The following RNF19A variants were observed in gnomAD, a reference collection of about 807,000 sequenced individuals.
RNF19A encodes the protein E3 ubiquitin-protein ligase RNF19A.
RNF19A carries 32 observed loss-of-function variants against 75.7 expected under a neutral mutation model. That is an observed-to-expected ratio of 0.42 (90% CI 0.32 to 0.57). The LOEUF (loss-of-function observed/expected upper bound fraction) is 0.57, where lower values mean the gene tolerates loss of function less well. Among genes scored for constraint, RNF19A ranks in the 20% least tolerant of loss-of-function variants. The pLI is 0.10. For synonymous variants in RNF19A, 335 were observed against 345.2 expected, an observed-to-expected ratio of 0.97 and a Z score of 0.33; for missense variants, 782 against 1,036.3, an observed-to-expected ratio of 0.75 and a Z score of 3.37.
intron 2 of RNF19A, among the ~76,000 whole-genome samples, chr8:100,283,158 C>T (rs1291591427): frequency 2.0e-5 from 3 of 152,190 alleles, no homozygotes; most frequent in African/African-American, 7.2e-5. Context: ...CAAAGCTCCC[C>T]AGCAAAGTCA....
At chr8:100,312,901 A>T (rs534085376), upstream of RNF19A, among the ~76,000 whole-genome samples, 1 of 152,140 alleles carries the variant, frequency 6.6e-6, no homozygotes, top group Non-Finnish European at 1.5e-5. Flanking sequence ...CAGCCTGGGC[A>T]ATAGAGCGAG....
At chr8:100,290,469 G>A (rs974148348) in intron 1 of RNF19A, among the ~76,000 whole-genome samples, 9 of 152,134 alleles carry the variant, frequency 5.9e-5, no homozygotes, top group African/African-American at 1.7e-4. Flanking sequence ...ATACATACAC[G>A]ACCCAGAAAC....
Position 100,264,109 on chromosome 8 carries a change from C to T in RNF19A, c.1393G>A (p.Gly465Ser). Residue 465 changes from glycine to serine, a missense_variant, in exon 7 of 10, where the codon GGC (glycine) becomes AGC (serine). Transcript: ENST00000341084. This position sits in a 1 kb window ranked among gnomAD's most constrained non-coding sequence, Gnocchi z 4.7. Reference sequence around the variant, plus strand: ...TCAATCCTAACTCCTTTTCCATTGCCTGCTGAGACTCCACAACCTCCGCTT... The same window carrying T: ...TCAATCCTAACTCCTTTTCCATTGCTTGCTGAGACTCCACAACCTCCGCTT... Reference protein sequence around the residue: ...CRSGGCGVSAGNGKGVRIEFD... With the variant: ...CRSGGCGVSASNGKGVRIEFD... 1 of 1,613,754 alleles carries T rather than the reference C, an allele frequency of 6.2e-7. No homozygotes were observed. Among genetic ancestry groups the T allele is most frequent in the Non-Finnish European group, 8.5e-7 (1 of 1,179,750 alleles).
At chr8:100,335,013 A>G (rs1392134047) in intron 1 of RNF19A, among the ~76,000 whole-genome samples, 4 of 152,238 alleles carry the variant, frequency 2.6e-5, no homozygotes, top group African/African-American at 9.6e-5. Context: ...CAGTTAAGCA[A>G]TCTGATTGAA....
intron 5 of RNF19A, among the ~76,000 whole-genome samples, chr8:100,268,390 ACTGGCTAATTATTCTTTGC>A (rs1177301712): frequency 6.6e-6 from 1 of 152,170 alleles, no homozygotes; most frequent in African/African-American, 2.4e-5. Flanking sequence ...TAATTCAAGA[ACTGGCTAATTATTCTTTGC>A]CTGAGGGCAT....
intron 1 of RNF19A, among the ~76,000 whole-genome samples, chr8:100,289,634 G>T (rs1017083610): frequency 6.6e-6 from 1 of 152,094 alleles, no homozygotes; most frequent in African/African-American, 2.4e-5. Flanking sequence ...TTAAAAGACT[G>T]ACATTTCCAA....
At position 100,269,729 on chromosome 8, in the gene RNF19A, C is replaced by T; in HGVS notation, c.1028+140G>A. On this transcript the variant is annotated intron_variant, in intron 4 of 9. Coordinates refer to ENST00000341084, the MANE Select transcript of RNF19A (RefSeq NM_183419.4). The surrounding 1 kb of genome is among the most constrained non-coding windows in gnomAD (Gnocchi z 5.7). ...TAATTCCAAATGACTAGCATAATAA[C>T]TTGGTTTCTTTTAAATTTATTTAAC... The T allele has an allele frequency of 3.7e-6, 2 of 546,366 alleles. No homozygotes were observed. Among genetic ancestry groups the T allele is most frequent in the Admixed American group, 8.0e-5 (2 of 25,120 alleles). 33.8% of individuals were successfully genotyped at this position (546,366 alleles called of 1,614,324 possible).
rs142229521 is a variant in RNF19A at position 100,260,337 on chromosome 8, A to G, written c.1683-340T>C. 1.7e-4 allele frequency among the ~76,000 whole-genome samples: 26 copies of G among 152,364 alleles called. No homozygotes were observed. Among genetic ancestry groups the G allele is most frequent in the African/African-American group, 5.8e-4 (24 of 41,594 alleles). On this transcript the variant is annotated intron_variant, in intron 8 of 9. Coordinates refer to ENST00000341084, the MANE Select transcript of RNF19A (RefSeq NM_183419.4). The surrounding 1 kb of genome is among the most constrained non-coding windows in gnomAD (Gnocchi z 4.1). ...GCAAAACACAAAGTTAGAATACATT[A>G]TTAATCATTAAACATGACACACCAA...
chr8:100,257,650 T>G lies in RNF19A; in HGVS notation c.*906A>C. ...TTAATCACATTCATGTTTATCTATTTCCTGTATTTTTATATATAATCCAAG... is the reference window on the plus strand; with the variant it reads ...TTAATCACATTCATGTTTATCTATTGCCTGTATTTTTATATATAATCCAAG... On this transcript the variant is annotated 3_prime_UTR_variant, in exon 10 of 10. Coordinates refer to ENST00000341084, the MANE Select transcript of RNF19A (RefSeq NM_183419.4). 5.2e-6 allele frequency: 1 copy of G among 190,544 alleles called. No individual in the cohort carries two copies. Among genetic ancestry groups the G allele is most frequent in the Non-Finnish European group, 1.1e-5 (1 of 93,808 alleles). 11.8% of individuals were successfully genotyped at this position (190,544 alleles called of 1,614,324 possible).
chr8:100,262,949 A>G (rs1819793347), intron 7 of RNF19A, among the ~76,000 whole-genome samples: 1 of 152,154 alleles, frequency 6.6e-6, no homozygotes, highest in Non-Finnish European at 1.5e-5. Context: ...AACAGGAGGA[A>G]TGGAGAAGCT....
rs1346718618 is a variant in RNF19A at position 100,314,966 on chromosome 8, C to T, written c.-242-1594G>A. Among the ~76,000 whole-genome samples the T allele has an allele frequency of 6.6e-6, 1 of 152,176 alleles. No homozygotes were observed. Among genetic ancestry groups the T allele is most frequent in the Non-Finnish European group, 1.5e-5 (1 of 68,034 alleles). On this transcript the variant is annotated intron_variant, in intron 1 of 3. Coordinates refer to the RNF19A transcript ENST00000519527. This position sits in a 1 kb window ranked among gnomAD's most constrained non-coding sequence, Gnocchi z 4.1. ...GCGAGACACCAATATGGTAAAGTAT[C>T]GTCCCTCCCCTTGAGCAGCTTGTAA...
intron 2 of RNF19A, among the ~76,000 whole-genome samples, chr8:100,279,645 C>T (rs1820688592): frequency 6.6e-6 from 1 of 152,176 alleles, no homozygotes; most frequent in South Asian, 2.1e-4. Context: ...GTCCGCCTCC[C>T]AGGTTCAAGC....
At chr8:100,282,587 T>C (rs1258991150) in intron 2 of RNF19A, among the ~76,000 whole-genome samples, 3 of 152,202 alleles carry the variant, frequency 2.0e-5, no homozygotes, top group Non-Finnish European at 4.4e-5. Context: ...CCCTGAAATG[T>C]AGTTTATTCA....
At chr8:100,283,834 A>G (rs569706598) in intron 2 of RNF19A, among the ~76,000 whole-genome samples, 1 of 152,358 alleles carries the variant, frequency 6.6e-6, no homozygotes, top group East Asian at 1.9e-4. Flanking sequence ...AATACTACCT[A>G]TATGCCTATG....
At chr8:100,318,503 CTAAT>C (rs1221712089) in intron 1 of RNF19A, among the ~76,000 whole-genome samples, 1 of 152,142 alleles carries the variant, frequency 6.6e-6, no homozygotes, top group Non-Finnish European at 1.5e-5. Context: ...AAAATGGGTG[CTAAT>C]TGTTATATAA....
chr8:100,297,746 T>C (rs1367940756), intron 1 of RNF19A, among the ~76,000 whole-genome samples: 1 of 152,220 alleles, frequency 6.6e-6, no homozygotes, highest in African/African-American at 2.4e-5. Flanking sequence ...GTTATTGTGT[T>C]CCACCATGAG....
rs1477450079 is a variant in RNF19A, at chr8:100,259,190, C to G, written c.1883G>C (p.Arg628Thr). The change falls in exon 10 of 10, where the codon AGG becomes ACG. Residue 628 changes from arginine to threonine, a missense_variant. Transcript: ENST00000341084. This position sits in a 1 kb window ranked among gnomAD's most constrained non-coding sequence, Gnocchi z 4.5. Reference protein sequence around the residue: ...VDIESKPSKFRHNSGSSSVDD... With the variant: ...VDIESKPSKFTHNSGSSSVDD... ...CACACTACTGCTTCCACTGTTGTGC[C>G]TGAATTTGGATGGCTTTGACTCAAT... 1 of 1,613,980 alleles carries G rather than the reference C, an allele frequency of 6.2e-7. No individual in the cohort carries two copies. The highest frequency in any genetic ancestry group is 8.5e-7 in the Non-Finnish European group (1 of 1,180,014).
chr8:100,310,055 GT>G (rs1191682560), upstream of RNF19A: 8 of 985,472 alleles, frequency 8.1e-6, no homozygotes, highest in African/African-American at 1.0e-4. Context: ...CTCCTCCGCA[GT>G]TGTGGCTCGA....
intron 1 of RNF19A, among the ~76,000 whole-genome samples, chr8:100,291,806 T>C (rs1169483293): frequency 6.6e-6 from 1 of 152,204 alleles, no homozygotes; most frequent in Non-Finnish European, 1.5e-5. Flanking sequence ...GTGCTGATGG[T>C]CAAAATACTA....
Sources: gnomAD v4.1 joint callset for allele counts (sites outside exome capture counted in the v4.1 genomes callset) on GRCh38, gnomAD v4.1.1 for gene constraint, Gnocchi (gnomAD v3.1) non-coding constraint, MANE v1.5 for transcripts, NCBI Gene and HGNC (gene_info 2026-07-23, HGNC 2026-07-21) for gene names.